Variants in KIRREL3 observed in about 807,000 individuals in gnomAD.
KIRREL3 encodes the protein kin of IRRE-like protein 3.
KIRREL3 carries 36 observed loss-of-function variants against 89.7 expected under a neutral mutation model. That is an observed-to-expected ratio of 0.40 (90% confidence interval 0.31 to 0.53). The LOEUF is 0.53. Ranked by LOEUF, KIRREL3 falls within the 20% of genes least tolerant of loss-of-function variation. KIRREL3 has a pLI of 0.49. For synonymous variants in KIRREL3, 445 were observed against 441.4 expected, an observed-to-expected ratio of 1.01 and a Z score of -0.10; for missense variants, 864 against 1,056.6, an observed-to-expected ratio of 0.82 and a Z score of 2.53.
At chr11:126,539,154 A>G (rs954646995) in intron 2 of KIRREL3, among the ~76,000 whole-genome samples, 4 of 152,126 alleles carry the variant, frequency 2.6e-5, no homozygotes, top group African/African-American at 9.7e-5. Flanking sequence ...TTAGCAATCA[A>G]TACTTGTTGA....
intron 1 of KIRREL3, among the ~76,000 whole-genome samples, chr11:126,886,402 C>T (rs184803032): frequency 2.2e-4 from 33 of 152,254 alleles, no homozygotes; most frequent in Admixed American, 3.9e-4. Context: ...CTCCTACCAG[C>T]GCTAATAAAA....
rs1485066106 is a variant in KIRREL3 at position 126,428,292 on chromosome 11, G to T, written c.1806+887C>A. Among the ~76,000 whole-genome samples the T allele has an allele frequency of 6.6e-6, 1 of 152,086 alleles. No individual in the cohort carries two copies. The highest frequency in any genetic ancestry group is 2.4e-5 in the African/African-American group (1 of 41,430). ...GCCTCCACTCCAACATGTTACGACC[G>T]AGGCAACCAGAAACTTCTAGCATGG... On this transcript the variant is annotated intron_variant, in intron 15 of 16. Coordinates refer to ENST00000525144, the MANE Select transcript of KIRREL3 (RefSeq NM_032531.4). The surrounding 1 kb of genome is among the most constrained non-coding windows in gnomAD (Gnocchi z 6.4).
rs2134444066 is a variant in KIRREL3, at chr11:126,526,382, G to T, written c.283+156C>A. Among the ~76,000 whole-genome samples the T allele has an allele frequency of 6.6e-6, 1 of 152,308 alleles. No individual in the cohort carries two copies. Among genetic ancestry groups the T allele is most frequent in the East Asian group, 1.9e-4 (1 of 5,186 alleles). On this transcript the variant is annotated intron_variant, in intron 3 of 16. Transcript: ENST00000525144. This position sits in a 1 kb window ranked among gnomAD's most constrained non-coding sequence, Gnocchi z 5.7. ...TCAGAGTCTAGGGATGCTGGGTGCAGTGCTTGCCTAGCCTGACTCTGCCTG... is the reference window on the plus strand; with the variant it reads ...TCAGAGTCTAGGGATGCTGGGTGCATTGCTTGCCTAGCCTGACTCTGCCTG...
intron 1 of KIRREL3, among the ~76,000 whole-genome samples, chr11:126,838,471 T>A (rs1301933522): frequency 6.6e-6 from 1 of 152,224 alleles, no homozygotes; most frequent in East Asian, 1.9e-4. Flanking sequence ...TTGCCAACTC[T>A]GGAGAAACCA....
intron 16 of KIRREL3, 52 bp from the exon 17 acceptor site, chr11:126,425,075 G>C (rs1350711407): frequency 5.6e-6 from 8 of 1,439,006 alleles, no homozygotes; most frequent in Non-Finnish European, 7.4e-6. Context: ...TCCACTGAGC[G>C]TGGCTGGGGT....
Position 126,498,845 on chromosome 11 carries a change from G to A in KIRREL3, c.433+22470C>T, listed in dbSNP as rs548398829. On this transcript the variant is annotated intron_variant, in intron 4 of 16. Coordinates refer to ENST00000525144, the MANE Select transcript of KIRREL3 (RefSeq NM_032531.4). The surrounding 1 kb of genome is among the most constrained non-coding windows in gnomAD (Gnocchi z 4.3). ...CAGTTCTTCACAGGCTCAGGACCTC[G>A]ACGCACGGAAACTTCTGGATCATTA... Among the ~76,000 whole-genome samples, 1 of 152,288 alleles carries A rather than the reference G, an allele frequency of 6.6e-6. No individual in the cohort carries two copies. Among genetic ancestry groups the A allele is most frequent in the Non-Finnish European group, 1.5e-5 (1 of 68,020 alleles).
chr11:126,543,288 G>C (rs1054861962), intron 2 of KIRREL3, among the ~76,000 whole-genome samples: 1 of 152,208 alleles, frequency 6.6e-6, no homozygotes, highest in Non-Finnish European at 1.5e-5. Context: ...GGATGGAGAG[G>C]GAGTGTGAGG....
chr11:126,899,756 A>G (rs892918709), intron 1 of KIRREL3, among the ~76,000 whole-genome samples: 1 of 152,248 alleles, frequency 6.6e-6, no homozygotes, highest in African/African-American at 2.4e-5. Context: ...AGCTAGGGCT[A>G]GTGAAGCAGC....
rs1348260837 is a variant in KIRREL3, at chr11:126,697,101, G to A, written c.56-134189C>T. 6.6e-6 allele frequency among the ~76,000 whole-genome samples: 1 copy of A among 152,192 alleles called. No individual in the cohort carries two copies. The highest frequency in any genetic ancestry group is 1.5e-5 in the Non-Finnish European group (1 of 68,032). ...GCGACTCAGCCTCCTTCGGGCTGCGGCTTAGCATGTTCCCCTCAGCCTCCT... is the reference window on the plus strand; with the variant it reads ...GCGACTCAGCCTCCTTCGGGCTGCGACTTAGCATGTTCCCCTCAGCCTCCT... On this transcript the variant is annotated intron_variant, in intron 1 of 16. Coordinates refer to ENST00000525144, the MANE Select transcript of KIRREL3 (RefSeq NM_032531.4). The surrounding 1 kb of genome is among the most constrained non-coding windows in gnomAD (Gnocchi z 4.2).
chr11:126,765,989 G>A (rs970022358), intron 1 of KIRREL3, among the ~76,000 whole-genome samples: 1 of 152,024 alleles, frequency 6.6e-6, no homozygotes, highest in Non-Finnish European at 1.5e-5. Context: ...TCAGCTACCT[G>A]AGCTTGGGCA....
At chr11:126,436,737 G>A (rs1041897504) in intron 12 of KIRREL3, 74 bp downstream of exon 12, 26 of 1,531,844 alleles carry the variant, frequency 1.7e-5, no homozygotes, top group South Asian at 6.9e-5. Context: ...AGCCACCCGC[G>A]CCCTGACCTA....
At chr11:126,873,183 T>C (rs1438621214) in intron 1 of KIRREL3, among the ~76,000 whole-genome samples, 1 of 152,214 alleles carries the variant, frequency 6.6e-6, no homozygotes, top group African/African-American at 2.4e-5. Flanking sequence ...GACAAGAATG[T>C]ATTTTAAAAG....
intron 4 of KIRREL3, among the ~76,000 whole-genome samples, chr11:126,478,583 G>A (rs961718621): frequency 2.6e-5 from 4 of 151,640 alleles, no homozygotes; most frequent in African/African-American, 7.3e-5. Flanking sequence ...GTGTGTACAC[G>A]TGTGTATGTG....
rs929193010 is a variant in KIRREL3 at position 126,611,409 on chromosome 11, C to T, written c.56-48497G>A. Among the ~76,000 whole-genome samples, 2 of 152,144 alleles carry T rather than the reference C, an allele frequency of 1.3e-5. No homozygotes were observed. The highest frequency in any genetic ancestry group is 2.9e-5 in the Non-Finnish European group (2 of 68,026). The stretch of plus-strand genomic sequence containing the variant: ...AGGGTGGTCTTTCTGATTGATCCAT[C>T]AGTCTGCATTCTCCTTGCCGTCCTT... On this transcript the variant is annotated intron_variant, in intron 1 of 16. Transcript: ENST00000525144. This position sits in a 1 kb window ranked among gnomAD's most constrained non-coding sequence, Gnocchi z 4.7.
At position 126,429,328 on chromosome 11, in the gene KIRREL3, T is replaced by C. The variant is rs1244514963; in HGVS notation, c.1697-40A>G. ...GTAAAGTGTAGATGATAGATTTAGT[T>C]CTTACCTTTGAGATGTCAAGCTCCC... is the stretch of plus-strand genomic sequence containing the variant. On this transcript the variant is annotated intron_variant, in intron 14 of 16. Coordinates refer to ENST00000525144, the MANE Select transcript of KIRREL3 (RefSeq NM_032531.4). This position sits in a 1 kb window ranked among gnomAD's most constrained non-coding sequence, Gnocchi z 5.2. 1.4e-6 allele frequency: 2 copies of C among 1,450,412 alleles called. No homozygotes were observed. Among genetic ancestry groups the C allele is most frequent in the Non-Finnish European group, 1.9e-6 (2 of 1,033,456 alleles). The allele number at this position is 1,450,412 out of a possible 1,614,324, so 89.8% of individuals were successfully genotyped here. A position where few individuals can be genotyped will look rare whatever the true frequency, so the allele number is the denominator to read the frequency against.
Position 126,601,378 on chromosome 11 carries a change from G to C in KIRREL3, c.56-38466C>G, listed in dbSNP as rs898463114. Among the ~76,000 whole-genome samples the C allele has an allele frequency of 1.3e-5, 2 of 152,202 alleles. No homozygotes were observed. The highest frequency in any genetic ancestry group is 4.8e-5 in the African/African-American group (2 of 41,438). ...AATGCCCTGAGGCGATGGGAACACAGCTCTGGGAGCACCTGCAATCTCATC... is the reference window on the plus strand; with the variant it reads ...AATGCCCTGAGGCGATGGGAACACACCTCTGGGAGCACCTGCAATCTCATC... On this transcript the variant is annotated intron_variant, in intron 1 of 16. Transcript: ENST00000525144. The surrounding 1 kb of genome is among the most constrained non-coding windows in gnomAD (Gnocchi z 5.8).
chr11:126,986,468 TG>T (rs1378280202), intron 1 of KIRREL3, among the ~76,000 whole-genome samples: 7 of 152,196 alleles, frequency 4.6e-5, no homozygotes, highest in African/African-American at 1.4e-4. Flanking sequence ...AGAGCATCTC[TG>T]GTGTACAGCA....
At chr11:126,827,810 G>A (rs1481782202) in intron 1 of KIRREL3, among the ~76,000 whole-genome samples, 2 of 152,164 alleles carry the variant, frequency 1.3e-5, no homozygotes, top group Non-Finnish European at 2.9e-5. Context: ...GCAGCAGAGA[G>A]GGGCAATTTT....
intron 11 of KIRREL3, 85 bp downstream of exon 11, chr11:126,440,364 C>T: frequency 8.4e-7 from 1 of 1,192,650 alleles, no homozygotes; most frequent in African/African-American, 1.5e-5. Flanking sequence ...GAGGTGTGCA[C>T]CGCCTGGCTG....
Sources: allele counts gnomAD v4.1 joint callset (sites outside exome capture counted in the v4.1 genomes callset), GRCh38; gene constraint gnomAD v4.1.1; non-coding constraint Gnocchi (gnomAD v3.1); transcripts MANE v1.5; gene names NCBI Gene and HGNC (gene_info 2026-07-23, HGNC 2026-07-21).